The following PCMTD2 variants were observed in gnomAD, a reference collection of about 807,000 sequenced individuals.
The protein encoded by PCMTD2 is protein-L-isoaspartate (D-aspartate) O-methyltransferase domain containing 2.
In PCMTD2, 16 loss-of-function variants were observed where a neutral mutation model predicts 33.4. That is an observed-to-expected ratio of 0.48 (90% CI 0.32 to 0.73). The LOEUF is 0.73. Ranked by LOEUF, PCMTD2 falls within the 30% of genes least tolerant of loss-of-function variation. PCMTD2 has a pLI of 0.03. For synonymous variants in PCMTD2, 161 were observed against 160.8 expected (o/e 1.00, Z -0.01); for missense variants, 374 against 449.9 (o/e 0.83, Z 1.53).
chr20:64,269,869 C>T (rs974132413), intron 5 of PCMTD2, among the ~76,000 whole-genome samples: 24 of 105,032 alleles, frequency 2.3e-4, no homozygotes, highest in Non-Finnish European at 3.8e-4. Context: ...GGGGTGTGGG[C>T]GTGCATCGTG....
At chr20:64,267,070 A>G (rs1985690357) in intron 4 of PCMTD2, among the ~76,000 whole-genome samples, 1 of 152,202 alleles carries the variant, frequency 6.6e-6, no homozygotes. Flanking sequence ...TGACTTAGAT[A>G]TTTTTAGAAA....
In PCMTD2 at chr20:64,273,588, C is replaced by T. The variant is rs1399214556; in HGVS notation, c.1074C>T (p.Tyr358=). Residue 358 remains tyrosine (Y), a synonymous_variant, in exon 6 of 6, where the codon TAC becomes TAT. Transcript: ENST00000308824. ...CCCTGAAATACTACTTGCTTTATTA[C>T]AGAGAAAAATAAGTCTCCTGTTTGA... is the stretch of plus-strand genomic sequence containing the variant. ...PDPLKYYLLY[Y]REK is the part of the protein sequence containing the mutation. 1.3e-6 allele frequency: 2 copies of T among 1,518,080 alleles called. No homozygotes were observed. The highest frequency in any genetic ancestry group is 1.4e-5 in the African/African-American group (1 of 71,624). 94.0% of individuals were successfully genotyped at this position (1,518,080 alleles called of 1,614,324 possible). A position where few individuals can be genotyped will look rare whatever the true frequency, so the allele number is the denominator to read the frequency against.
chr20:64,265,902 T>C (rs1254256525), intron 4 of PCMTD2, among the ~76,000 whole-genome samples: 1 of 152,200 alleles, frequency 6.6e-6, no homozygotes, highest in Non-Finnish European at 1.5e-5. Flanking sequence ...CTTGTCCAAG[T>C]TTGCTGTTTG....
At position 64,267,506 on chromosome 20, in the gene PCMTD2, CT is replaced by C. The variant is rs1468025772; in HGVS notation, c.583-376del. 2.0e-5 allele frequency among the ~76,000 whole-genome samples: 3 copies of C among 152,178 alleles called. No individual in the cohort carries two copies. The East Asian group carries it at 5.8e-4, about 29-fold the overall frequency. ...TTGGTTGGTAACGTATCTGTAATTA[CT>C]TTTTGCTTTAGAACAGACCCCCTTT... is the stretch of plus-strand genomic sequence containing the variant. On this transcript the variant is annotated intron_variant, in intron 4 of 5. Transcript: ENST00000308824.
intron 2 of PCMTD2, among the ~76,000 whole-genome samples, chr20:64,261,666 T>C (rs1425780070): frequency 2.0e-5 from 3 of 152,220 alleles, no homozygotes; most frequent in African/African-American, 7.2e-5. Flanking sequence ...TTATTTTGGC[T>C]TTATGCTATA....
intron 2 of PCMTD2, among the ~76,000 whole-genome samples, chr20:64,260,635 CCTT>C (rs1045024758): frequency 2.7e-4 from 41 of 152,024 alleles, no homozygotes; most frequent in African/African-American, 9.2e-4. Flanking sequence ...CCTTGTCACT[CCTT>C]CTCTAAATCG....
At chr20:64,265,571 A>G in intron 4 of PCMTD2, 142 bp downstream of exon 4, 2 of 651,656 alleles carry the variant, frequency 3.1e-6, no homozygotes, top group Non-Finnish European at 4.9e-6. Context: ...AGGGAGATGC[A>G]GGGTCACGCA....
chr20:64,265,666 GTC>G (rs751985494), intron 4 of PCMTD2: 24 of 393,838 alleles, frequency 6.1e-5, no homozygotes, highest in Non-Finnish European at 9.9e-5. Flanking sequence ...TTCCTTCTCT[GTC>G]TCTCTCTTTT....
In PCMTD2 at chr20:64,264,529, CAAGT is replaced by C. The variant is rs1254243481; in HGVS notation, c.410+2_410+5del. 3 of 1,476,034 alleles carry C rather than the reference CAAGT, an allele frequency of 2.0e-6. No homozygotes were observed. The highest frequency in any genetic ancestry group is 1.7e-5 in the Admixed American group (1 of 59,788). The allele number at this position is 1,476,034 out of a possible 1,614,324, so 91.4% of individuals were successfully genotyped here. ...TCATCAGAACAAGTGATAGTTTTGACAAGTAAGATGAAATACTATCCATTGGCTC... is the reference window on the plus strand; with the variant it reads ...TCATCAGAACAAGTGATAGTTTTGACAAGATGAAATACTATCCATTGGCTC... On this transcript the variant is annotated splice_donor_variant and coding_sequence_variant, in exon 3 of 6. Transcript: ENST00000308824. LOFTEE classifies it high-confidence loss of function.
In PCMTD2 at chr20:64,273,289, A is replaced by T; in HGVS notation, c.775A>T (p.Ile259Phe). The T allele has an allele frequency of 6.2e-7, 1 of 1,614,144 alleles. No individual in the cohort carries two copies. Among genetic ancestry groups the T allele is most frequent in the East Asian group, 2.2e-5 (1 of 44,890 alleles). The change falls in exon 6 of 6, where the codon ATT (isoleucine) becomes TTT (phenylalanine). Residue 259 changes from isoleucine (I) to phenylalanine (F), a missense_variant. Coordinates refer to ENST00000308824, the MANE Select transcript of PCMTD2 (RefSeq NM_018257.3). ...IAIRGTIKKI[I>F]HQETVSKNGN... Reference sequence around the variant, plus strand: ...CATCCGGGGCACCATTAAAAAGATTATTCATCAGGAAACTGTGAGCAAAAA... The same window carrying T: ...CATCCGGGGCACCATTAAAAAGATTTTTCATCAGGAAACTGTGAGCAAAAA...
chr20:64,257,690 T>A (rs1985226327), intron 1 of PCMTD2, among the ~76,000 whole-genome samples: 1 of 150,868 alleles, frequency 6.6e-6, no homozygotes, highest in Non-Finnish European at 1.5e-5. Context: ...TGGCAATAGG[T>A]ATAGATAGGG....
At chr20:64,268,946 T>A (rs1172718052) in intron 5 of PCMTD2, among the ~76,000 whole-genome samples, 11 of 152,152 alleles carry the variant, frequency 7.2e-5, no homozygotes, top group Non-Finnish European at 2.9e-5. Flanking sequence ...GAGGGTGATG[T>A]CTGTGCTTGG....
At chr20:64,257,897 T>G (rs1400527608) in intron 1 of PCMTD2, among the ~76,000 whole-genome samples, 3 of 152,254 alleles carry the variant, frequency 2.0e-5, no homozygotes, top group Non-Finnish European at 4.4e-5. Flanking sequence ...CCAATTTGCT[T>G]CTTAATGTTG....
chr20:64,264,647 T>C, intron 3 of PCMTD2, 116 bp downstream of exon 3: 2 of 645,826 alleles, frequency 3.1e-6, no homozygotes, highest in South Asian at 3.7e-5. Context: ...GGTGGGATGA[T>C]TCTATGTGCC....
chr20:64,258,481 C>T (rs1985262568), intron 1 of PCMTD2, among the ~76,000 whole-genome samples: 1 of 152,114 alleles, frequency 6.6e-6, no homozygotes, highest in Non-Finnish European at 1.5e-5. Flanking sequence ...TTGAGTGTTC[C>T]ACCATAAAAA....
At chr20:64,258,347 C>T (rs569222836) in intron 1 of PCMTD2, among the ~76,000 whole-genome samples, 5 of 152,112 alleles carry the variant, frequency 3.3e-5, no homozygotes, top group Non-Finnish European at 7.4e-5. Flanking sequence ...GGCTGTGGAC[C>T]GTAATCTAAC....
chr20:64,261,252 G>A (rs1985403800), intron 2 of PCMTD2, among the ~76,000 whole-genome samples: 2 of 152,228 alleles, frequency 1.3e-5, no homozygotes, highest in Admixed American at 1.3e-4. Context: ...AGGGGTGATA[G>A]GAGCTGATCT....
chr20:64,275,438 A>C lies in PCMTD2; in HGVS notation c.*1838A>C, dbSNP rs958091408. On this transcript the variant is annotated 3_prime_UTR_variant, in exon 6 of 6. Coordinates refer to ENST00000308824, the MANE Select transcript of PCMTD2 (RefSeq NM_018257.3). ...TGTATATGGACTGCATTTTTAAAAA[A>C]ACCGCATTTGCCTTTATGCTAGATT... The C allele has an allele frequency of 6.6e-6, 1 of 152,222 alleles. No homozygotes were observed. Among genetic ancestry groups the C allele is most frequent in the Non-Finnish European group, 1.5e-5 (1 of 68,028 alleles). 9.4% of individuals were successfully genotyped at this position (152,222 alleles called of 1,614,324 possible). A position where few individuals can be genotyped will look rare whatever the true frequency, so the allele number is the denominator to read the frequency against.
intron 5 of PCMTD2, among the ~76,000 whole-genome samples, chr20:64,270,167 G>T (rs1024622359): frequency 3.0e-5 from 4 of 131,612 alleles, no homozygotes; most frequent in Non-Finnish European, 6.5e-5. Context: ...GCACGTTGTG[G>T]GGTCGTGTGG....
Sources: allele counts gnomAD v4.1 joint callset (sites outside exome capture counted in the v4.1 genomes callset), GRCh38; gene constraint gnomAD v4.1.1; transcripts MANE v1.5; gene names NCBI Gene and HGNC (gene_info 2026-07-23, HGNC 2026-07-21).